SRBD1: variants seen among roughly 807,000 people sequenced by gnomAD.
SRBD1 encodes S1 RNA-binding domain-containing protein 1.
SRBD1 carries 88 observed loss-of-function variants against 115.3 expected under a neutral mutation model. The observed-to-expected ratio is 0.76, with a 90% CI of 0.64 to 0.91. The LOEUF is 0.91. Ranked by LOEUF, SRBD1 falls within the 40% of genes least tolerant of loss-of-function variation. The pLI, the probability that SRBD1 is intolerant of heterozygous loss-of-function variation, is 0.00. For missense variants in SRBD1, 1,385 were observed against 1,177.4 expected (o/e 1.18, Z -2.58); for synonymous variants, 509 against 407.7 (o/e 1.25, Z -2.99).
chr2:45,530,202 C>A (rs1385353091), intron 14 of SRBD1, among the ~76,000 whole-genome samples: 1 of 151,942 alleles, frequency 6.6e-6, no homozygotes. Context: ...CAAAAATATA[C>A]CCATTAACTG....
chr2:45,537,430 G>C (rs1474476460), intron 14 of SRBD1, among the ~76,000 whole-genome samples: 1 of 152,150 alleles, frequency 6.6e-6, no homozygotes, highest in Non-Finnish European at 1.5e-5. Context: ...GAGGGGTAGG[G>C]ACTTTGCCTG....
intron 16 of SRBD1, among the ~76,000 whole-genome samples, chr2:45,441,663 T>C (rs1334772599): frequency 1.3e-5 from 2 of 152,198 alleles, no homozygotes; most frequent in African/African-American, 4.8e-5. Context: ...AGTTCGGCTT[T>C]TGGATTCTTC....
chr2:45,466,398 T>C (rs1669491898), intron 16 of SRBD1, among the ~76,000 whole-genome samples: 1 of 152,084 alleles, frequency 6.6e-6, no homozygotes, highest in East Asian at 1.9e-4. Context: ...CATATTCAAC[T>C]TCTCACTCTC....
At chr2:45,543,937 T>C (rs1286310877) in intron 14 of SRBD1, among the ~76,000 whole-genome samples, 1 of 151,976 alleles carries the variant, frequency 6.6e-6, no homozygotes, top group African/African-American at 2.4e-5. Context: ...AAGACTACCA[T>C]CCAAAGCAAG....
At position 45,586,451 on chromosome 2, in the gene SRBD1, G is replaced by A. The variant is rs527946177; in HGVS notation, c.649-677C>T. On this transcript the variant is annotated intron_variant, in intron 4 of 20. Transcript: ENST00000263736. ...AAGATCTGGAAATAAAAAGGTAATT[G>A]GTTGGGTGAGGGTTAGAGTTGGAAG... Among the ~76,000 whole-genome samples the A allele has an allele frequency of 2.6e-5, 4 of 152,252 alleles. No homozygotes were observed. In the East Asian group the frequency reaches 7.7e-4, roughly 29 times the overall value.
intron 9 of SRBD1, among the ~76,000 whole-genome samples, chr2:45,564,341 A>G (rs1301215180): frequency 6.6e-6 from 1 of 152,184 alleles, no homozygotes; most frequent in Non-Finnish European, 1.5e-5. Flanking sequence ...AGCTAACATC[A>G]TATTTACTGG....
intron 14 of SRBD1, among the ~76,000 whole-genome samples, chr2:45,498,466 TC>T (rs1230420551): frequency 1.3e-5 from 2 of 152,204 alleles, no homozygotes; most frequent in African/African-American, 4.8e-5. Context: ...TAATTTGATA[TC>T]TGTATATAAT....
intron 14 of SRBD1, among the ~76,000 whole-genome samples, chr2:45,537,343 T>G (rs1400284173): frequency 6.6e-6 from 1 of 152,204 alleles, no homozygotes. Flanking sequence ...TACAGAATTT[T>G]TCACCAACTG....
rs1334062589 is a variant in SRBD1, at chr2:45,389,088, T to G, written c.*222A>C. On this transcript the variant is annotated 3_prime_UTR_variant, in exon 21 of 21. Coordinates refer to ENST00000263736, the MANE Select transcript of SRBD1 (RefSeq NM_018079.5). ...AGAAAACTATTACTACATAAAGCCA[T>G]ATAAGAATGTGTATTAGTTGTTTCC... is the stretch of plus-strand genomic sequence containing the variant. 3 of 547,034 alleles carry G rather than the reference T, an allele frequency of 5.5e-6. No individual in the cohort carries two copies. In the African/African-American group the frequency reaches 5.6e-5, roughly 10 times the overall value. 33.9% of individuals were successfully genotyped at this position (547,034 alleles called of 1,614,324 possible).
rs529962346 is a variant in SRBD1, at chr2:45,432,970, A to T, written c.2050-13076T>A. On this transcript the variant is annotated intron_variant, in intron 16 of 20. Coordinates refer to ENST00000263736, the MANE Select transcript of SRBD1 (RefSeq NM_018079.5). Reference sequence around the variant, plus strand: ...GGACGAAAAGTATCTAACAACTATTATTTTTTTAAAGTCCTTCCAGATGAA... The same window carrying T: ...GGACGAAAAGTATCTAACAACTATTTTTTTTTTAAAGTCCTTCCAGATGAA... 1.0e-3 allele frequency among the ~76,000 whole-genome samples: 152 copies of T among 152,236 alleles called. 1 individual carries two copies. Among genetic ancestry groups the T allele is most frequent in the African/African-American group, 3.5e-3 (145 of 41,542 alleles).
At chr2:45,485,763 C>T (rs183672764) in intron 15 of SRBD1, among the ~76,000 whole-genome samples, 5 of 152,244 alleles carry the variant, frequency 3.3e-5, no homozygotes, top group South Asian at 2.1e-4. Context: ...AATCCACACT[C>T]GTAGGTAGCT....
At chr2:45,407,912 A>G (rs1667483577) in intron 19 of SRBD1, among the ~76,000 whole-genome samples, 1 of 152,058 alleles carries the variant, frequency 6.6e-6, no homozygotes, top group East Asian at 1.9e-4. Context: ...AAAAAAGTTG[A>G]CTTTCTTTAA....
At chr2:45,451,632 T>C (rs1250898726) in intron 16 of SRBD1, among the ~76,000 whole-genome samples, 1 of 150,858 alleles carries the variant, frequency 6.6e-6, no homozygotes, top group Non-Finnish European at 1.5e-5. Context: ...AATAGAATTT[T>C]AAAATTGTTC....
chr2:45,506,909 C>T (rs1376728991), intron 14 of SRBD1, among the ~76,000 whole-genome samples: 1 of 152,052 alleles, frequency 6.6e-6, no homozygotes, highest in Non-Finnish European at 1.5e-5. Context: ...ATATGATTTC[C>T]ATGTCTGCTG....
intron 16 of SRBD1, among the ~76,000 whole-genome samples, chr2:45,455,052 CCA>C: frequency 6.6e-6 from 1 of 151,856 alleles, no homozygotes. Flanking sequence ...TGTACACCCA[CCA>C]CACACACAAT....
At chr2:45,587,773 C>T (rs1673593436) in intron 4 of SRBD1, among the ~76,000 whole-genome samples, 1 of 152,156 alleles carries the variant, frequency 6.6e-6, no homozygotes, top group South Asian at 2.1e-4. Context: ...ACATTTCTAT[C>T]CCTGACTCTC....
At chr2:45,455,940 C>T (rs778610403) in intron 16 of SRBD1, among the ~76,000 whole-genome samples, 18 of 151,654 alleles carry the variant, frequency 1.2e-4, no homozygotes, top group Non-Finnish European at 2.1e-4. Flanking sequence ...TGTAACATTG[C>T]CACCATCACT....
In SRBD1 at chr2:45,592,733, A is replaced by C. The variant is rs577562214; in HGVS notation, c.648+6716T>G. Among the ~76,000 whole-genome samples the C allele has an allele frequency of 3.3e-5, 5 of 152,292 alleles. No individual in the cohort carries two copies. The East Asian group carries it at 7.7e-4, about 24-fold the overall frequency. ...ATTGTTTGGTCTCACCTGTTGAGTC[A>C]ACCCCCTTTTCAAGAGTTGATGAGA... On this transcript the variant is annotated intron_variant, in intron 4 of 20. Transcript: ENST00000263736.
intron 9 of SRBD1, chr2:45,568,097 G>C (rs1672891776): frequency 6.6e-6 from 1 of 152,168 alleles, no homozygotes; most frequent in South Asian, 2.1e-4. Flanking sequence ...TAAGACACAG[G>C]AAATTGCACG....
Sources: allele counts gnomAD v4.1 joint callset (sites outside exome capture counted in the v4.1 genomes callset), GRCh38; gene constraint gnomAD v4.1.1; transcripts MANE v1.5; gene names NCBI Gene and HGNC (gene_info 2026-07-23, HGNC 2026-07-21).